The following SLC41A2 variants were observed in gnomAD, a reference collection of about 807,000 sequenced individuals.
The protein encoded by SLC41A2 is solute carrier family 41 member 2.
In SLC41A2, 32 loss-of-function variants were observed where a neutral mutation model predicts 58.3. The ratio of observed to expected loss-of-function variants is 0.55; its 90% CI spans 0.41 to 0.74. SLC41A2 has a LOEUF of 0.74. Among genes scored for constraint, SLC41A2 ranks in the 30% least tolerant of loss-of-function variants. SLC41A2 has a pLI of 0.00. For synonymous variants in SLC41A2, 190 were observed against 235.0 expected (o/e 0.81, Z 1.75); for missense variants, 514 against 680.6 (o/e 0.76, Z 2.72).
rs1003691486 is a variant in SLC41A2 at position 104,803,098 on chromosome 12, A to C, written c.*2054T>G. On this transcript the variant is annotated 3_prime_UTR_variant, in exon 11 of 11. Transcript: ENST00000258538. Reference sequence around the variant, plus strand: ...TGTGCACTGGAATGTGTAATATAATAAAGTTGTTGATTAATGCTTTAAAAA... The same window carrying C: ...TGTGCACTGGAATGTGTAATATAATCAAGTTGTTGATTAATGCTTTAAAAA... 2.0e-5 allele frequency: 3 copies of C among 152,180 alleles called. No individual in the cohort carries two copies. Among genetic ancestry groups the C allele is most frequent in the Admixed American group, 6.5e-5 (1 of 15,268 alleles). The allele number at this position is 152,180 out of a possible 1,614,324, so 9.4% of individuals were successfully genotyped here. A position where few individuals can be genotyped will look rare whatever the true frequency, so the allele number is the denominator to read the frequency against.
At chr12:104,916,594 C>G (rs1054650493) in intron 2 of SLC41A2, among the ~76,000 whole-genome samples, 3 of 152,034 alleles carry the variant, frequency 2.0e-5, no homozygotes, top group African/African-American at 7.2e-5. Flanking sequence ...CTACAGTAAC[C>G]AAAACAGCAT....
Position 104,923,338 on chromosome 12 carries a change from G to A in SLC41A2, c.555+4635C>T, listed in dbSNP as rs564541328. On this transcript the variant is annotated intron_variant, in intron 2 of 10. Transcript: ENST00000258538. Reference sequence around the variant, plus strand: ...GATCGTGCCACTGCACTCCAGCCTGGGCAACAGAGTGAGACTCCATCTCAA... The same window carrying A: ...GATCGTGCCACTGCACTCCAGCCTGAGCAACAGAGTGAGACTCCATCTCAA... 6.1e-5 allele frequency among the ~76,000 whole-genome samples: 9 copies of A among 146,930 alleles called. No individual in the cohort carries two copies. In the South Asian group the frequency reaches 1.9e-3, roughly 32 times the overall value.
intron 8 of SLC41A2, among the ~76,000 whole-genome samples, chr12:104,849,521 T>C (rs1203473961): frequency 6.6e-6 from 1 of 152,204 alleles, no homozygotes; most frequent in African/African-American, 2.4e-5. Context: ...GAAAACATTT[T>C]GGCATTGTGT....
At chr12:104,834,373 A>T (rs747688675) in intron 10 of SLC41A2, among the ~76,000 whole-genome samples, 4 of 152,168 alleles carry the variant, frequency 2.6e-5, no homozygotes, top group Non-Finnish European at 5.9e-5. Flanking sequence ...AAGTTAAAGG[A>T]GCTGTTTTTA....
intron 7 of SLC41A2, among the ~76,000 whole-genome samples, chr12:104,865,982 A>G (rs2043424382): frequency 6.6e-6 from 1 of 152,168 alleles, no homozygotes; most frequent in Admixed American, 6.6e-5. Flanking sequence ...GTCCTTAATT[A>G]CATCTTTAAG....
intron 10 of SLC41A2, among the ~76,000 whole-genome samples, chr12:104,838,594 A>G (rs1255703623): frequency 1.3e-5 from 2 of 152,228 alleles, no homozygotes; most frequent in African/African-American, 4.8e-5. Flanking sequence ...AAGCAGTTTC[A>G]TATTTGTTGA....
intron 1 of SLC41A2, among the ~76,000 whole-genome samples, chr12:104,935,393 T>TA (rs56138304): frequency 0.49 from 74,750 of 151,724 alleles, 18,812 homozygotes; most frequent in Middle Eastern, 0.56. Flanking sequence ...AGGTGATGTA[T>TA]ATGTTAGTTA....
At chr12:104,897,144 C>CTTTTT (rs71440558) in intron 3 of SLC41A2, among the ~76,000 whole-genome samples, 6 of 120,284 alleles carry the variant, frequency 5.0e-5, no homozygotes, top group Admixed American at 9.5e-5. Flanking sequence ...TTTCTTTTTT[C>CTTTTT]TTTTTTTTTT....
At chr12:104,916,856 A>G (rs1357046102) in intron 2 of SLC41A2, among the ~76,000 whole-genome samples, 1 of 151,882 alleles carries the variant, frequency 6.6e-6, no homozygotes, top group Admixed American at 6.6e-5. Context: ...TGTTAGACCT[A>G]AAACCATAAA....
At chr12:104,867,321 A>C (rs2043516297) in intron 6 of SLC41A2, among the ~76,000 whole-genome samples, 1 of 152,070 alleles carries the variant, frequency 6.6e-6, no homozygotes, top group Admixed American at 6.6e-5. Context: ...AACTGATCAA[A>C]GTTTCATTAT....
At chr12:104,840,811 A>G (rs1468405107) in intron 10 of SLC41A2, among the ~76,000 whole-genome samples, 1 of 152,240 alleles carries the variant, frequency 6.6e-6, no homozygotes, top group Admixed American at 6.5e-5. Flanking sequence ...TTTAAAAAAT[A>G]ATTTCAAAAA....
At chr12:104,915,102 A>G (rs1413024911) in intron 2 of SLC41A2, among the ~76,000 whole-genome samples, 1 of 152,254 alleles carries the variant, frequency 6.6e-6, no homozygotes, top group Admixed American at 6.5e-5. Flanking sequence ...CAAGTCAAAC[A>G]TAATGTCAGA....
chr12:104,886,214 G>T, intron 6 of SLC41A2, 79 bp downstream of exon 6: 3 of 1,453,582 alleles, frequency 2.1e-6, no homozygotes, highest in Non-Finnish European at 2.8e-6. Context: ...GGCTACCATG[G>T]ATTCATGGCA....
At chr12:104,853,232 T>C (rs11112213) in intron 8 of SLC41A2, among the ~76,000 whole-genome samples, 13,211 of 152,310 alleles carry the variant, frequency 0.087, 631 homozygotes, top group South Asian at 0.11. Flanking sequence ...ACTAACGTCA[T>C]GGAATATATT....
chr12:104,904,082 C>A (rs916870503), intron 3 of SLC41A2, among the ~76,000 whole-genome samples: 10 of 152,282 alleles, frequency 6.6e-5, no homozygotes, highest in Non-Finnish European at 1.3e-4. Flanking sequence ...TCATTTGCAG[C>A]ATTTTGTTTT....
intron 10 of SLC41A2, among the ~76,000 whole-genome samples, chr12:104,812,540 G>C (rs1176305942): frequency 6.6e-6 from 1 of 152,166 alleles, no homozygotes; most frequent in Non-Finnish European, 1.5e-5. Context: ...GGCCTTTTAA[G>C]TAATGCATGC....
At chr12:104,946,240 A>G (rs2135963480) in intron 1 of SLC41A2, among the ~76,000 whole-genome samples, 1 of 152,302 alleles carries the variant, frequency 6.6e-6, no homozygotes, top group Non-Finnish European at 1.5e-5. Flanking sequence ...AACTGGGTTT[A>G]CAAATTTCAA....
chr12:104,849,880 C>A (rs1196696047), intron 8 of SLC41A2, among the ~76,000 whole-genome samples: 3 of 152,156 alleles, frequency 2.0e-5, no homozygotes, highest in African/African-American at 4.8e-5. Context: ...GCATACTCTA[C>A]AATCTAGCAA....
intron 2 of SLC41A2, among the ~76,000 whole-genome samples, chr12:104,921,156 A>C (rs1041856409): frequency 2.6e-5 from 4 of 151,974 alleles, no homozygotes; most frequent in African/African-American, 9.7e-5. Context: ...GAAAGACGAA[A>C]TCTAATAATT....
Sources: allele counts gnomAD v4.1 joint callset (sites outside exome capture counted in the v4.1 genomes callset), GRCh38; gene constraint gnomAD v4.1.1; transcripts MANE v1.5; gene names NCBI Gene and HGNC (gene_info 2026-07-23, HGNC 2026-07-21).